DDX10: variants seen among roughly 807,000 people sequenced by gnomAD.
The protein encoded by DDX10 is DEAD-box helicase 10.
DDX10 carries 74 observed loss-of-function variants against 104.3 expected under a neutral mutation model. That is an observed-to-expected ratio of 0.71 (90% CI 0.59 to 0.86). DDX10 has a LOEUF of 0.86. Ranked by LOEUF, DDX10 falls within the 40% of genes least tolerant of loss-of-function variation. DDX10 has a pLI of 0.00. For synonymous variants in DDX10, 351 were observed against 353.4 expected (o/e 0.99, Z 0.08); for missense variants, 952 against 1,040.0 (o/e 0.92, Z 1.16).
At chr11:108,723,684 C>G (rs1406568800) in intron 13 of DDX10, among the ~76,000 whole-genome samples, 2 of 152,034 alleles carry the variant, frequency 1.3e-5, no homozygotes, top group African/African-American at 2.4e-5. Context: ...CAACTTTAAT[C>G]TTATTTACTG....
chr11:108,759,426 T>TA (rs58291941), intron 13 of DDX10, among the ~76,000 whole-genome samples: 5,181 of 152,078 alleles, frequency 0.034, 294 homozygotes, highest in African/African-American at 0.12. Context: ...TATTTGAACT[T>TA]ACGCTAACCA....
chr11:108,916,745 G>A (rs1863756027), intron 16 of DDX10, among the ~76,000 whole-genome samples: 1 of 152,096 alleles, frequency 6.6e-6, no homozygotes, highest in African/African-American at 2.4e-5. Context: ...GGTTTATCTG[G>A]TAGTTGACAA....
At chr11:108,939,321 G>A (rs1864075991) in intron 17 of DDX10, among the ~76,000 whole-genome samples, 1 of 152,156 alleles carries the variant, frequency 6.6e-6, no homozygotes, top group Non-Finnish European at 1.5e-5. Flanking sequence ...TCCCATGGGT[G>A]TAATCTTGGT....
intron 13 of DDX10, among the ~76,000 whole-genome samples, chr11:108,735,521 C>T (rs1040075519): frequency 6.6e-6 from 1 of 152,082 alleles, no homozygotes; most frequent in Admixed American, 6.6e-5. Flanking sequence ...ATAAGGCACT[C>T]TTCTGTTGTT....
chr11:108,926,032 TTGAG>T (rs1272022614), intron 17 of DDX10, among the ~76,000 whole-genome samples: 1 of 152,110 alleles, frequency 6.6e-6, no homozygotes, highest in Non-Finnish European at 1.5e-5. Context: ...GGAAAGTAGA[TTGAG>T]AGAGAAGTGG....
intron 13 of DDX10, among the ~76,000 whole-genome samples, chr11:108,785,265 A>G (rs74375039): frequency 0.025 from 3,859 of 152,328 alleles, 111 homozygotes; most frequent in African/African-American, 0.071. Flanking sequence ...CTTACATCCC[A>G]GGAATAAAGC....
intron 13 of DDX10, among the ~76,000 whole-genome samples, chr11:108,730,848 T>TG (rs1565261245): frequency 7.7e-5 from 4 of 52,238 alleles, no homozygotes; most frequent in Admixed American, 2.8e-4. Context: ...CGTACCTGCA[T>TG]GTTTTTTTTT....
intron 13 of DDX10, among the ~76,000 whole-genome samples, chr11:108,815,527 A>G (rs2134572139): frequency 6.6e-6 from 1 of 152,346 alleles, no homozygotes; most frequent in Admixed American, 6.5e-5. Flanking sequence ...GTGGACCCTC[A>G]AAAGTCAAAA....
chr11:108,710,486 G>T (rs1261072588), intron 10 of DDX10, among the ~76,000 whole-genome samples: 1 of 151,468 alleles, frequency 6.6e-6, no homozygotes, highest in Non-Finnish European at 1.5e-5. Flanking sequence ...GCCTACACAG[G>T]GTCAGGATCA....
At chr11:108,813,696 A>G (rs867816747) in intron 13 of DDX10, among the ~76,000 whole-genome samples, 31 of 152,134 alleles carry the variant, frequency 2.0e-4, no homozygotes, top group African/African-American at 6.8e-4. Context: ...TAGTACTTTT[A>G]TGGTTTAATA....
At chr11:108,777,811 A>G (rs1189037867) in intron 13 of DDX10, among the ~76,000 whole-genome samples, 5 of 152,328 alleles carry the variant, frequency 3.3e-5, no homozygotes, top group Admixed American at 6.5e-5. Context: ...TCTCAGCCCA[A>G]AATCTCCTTA....
chr11:108,700,079 T>G (rs975834348), intron 9 of DDX10, among the ~76,000 whole-genome samples: 2 of 152,178 alleles, frequency 1.3e-5, no homozygotes, highest in Non-Finnish European at 2.9e-5. Context: ...GCAAATACCA[T>G]GTTTGTTTCC....
intron 15 of DDX10, among the ~76,000 whole-genome samples, chr11:108,846,524 A>T (rs560510390): frequency 6.6e-6 from 1 of 152,296 alleles, no homozygotes; most frequent in East Asian, 1.9e-4. Flanking sequence ...TCCACAGATA[A>T]GTGAGATTGT....
intron 16 of DDX10, among the ~76,000 whole-genome samples, chr11:108,859,936 C>T (rs1177906942): frequency 2.6e-5 from 4 of 152,044 alleles, no homozygotes; most frequent in Non-Finnish European, 5.9e-5. Context: ...TCATTACTGG[C>T]TGTTGTAAGA....
intron 13 of DDX10, among the ~76,000 whole-genome samples, chr11:108,731,055 CT>C (rs200365845): frequency 1.5e-3 from 210 of 142,568 alleles, no homozygotes; most frequent in South Asian, 2.7e-3. Context: ...ATTGCCGTTT[CT>C]TTTTTTTTTT....
chr11:108,684,317 A>AT (rs887687484), intron 6 of DDX10, among the ~76,000 whole-genome samples: 1 of 150,154 alleles, frequency 6.7e-6, no homozygotes, highest in Non-Finnish European at 1.5e-5. Flanking sequence ...GTCATCTAGC[A>AT]TTAGGTATAT....
intron 13 of DDX10, among the ~76,000 whole-genome samples, chr11:108,814,193 A>G (rs1484966643): frequency 6.6e-6 from 1 of 152,186 alleles, no homozygotes; most frequent in African/African-American, 2.4e-5. Context: ...GATGGCATAG[A>G]CATAGGCTAA....
At chr11:108,680,866 G>C (rs925565571) in intron 6 of DDX10, among the ~76,000 whole-genome samples, 1 of 152,132 alleles carries the variant, frequency 6.6e-6, no homozygotes, top group African/African-American at 2.4e-5. Context: ...TTTGCTTCTG[G>C]GTGATCTTGG....
At chr11:108,811,061 G>A (rs1047727492) in intron 13 of DDX10, among the ~76,000 whole-genome samples, 2 of 152,116 alleles carry the variant, frequency 1.3e-5, no homozygotes, top group Non-Finnish European at 2.9e-5. Flanking sequence ...AGTGATCCCT[G>A]TAGGAGATCA....
Sources: gnomAD v4.1 joint callset for allele counts (sites outside exome capture counted in the v4.1 genomes callset) on GRCh38, gnomAD v4.1.1 for gene constraint, MANE v1.5 for transcripts, NCBI Gene and HGNC (gene_info 2026-07-23, HGNC 2026-07-21) for gene names.